RABGAP1L: variants seen among roughly 807,000 people sequenced by gnomAD.
The protein encoded by RABGAP1L is RAB GTPase activating protein 1 like.
Under a neutral mutation model 137.7 loss-of-function variants are expected in RABGAP1L, and 63 were observed. The ratio of observed to expected loss-of-function variants is 0.46; its 90% CI spans 0.37 to 0.56. The LOEUF (loss-of-function observed/expected upper bound fraction) is 0.56. Among genes scored for constraint, RABGAP1L ranks in the 20% least tolerant of loss-of-function variants. RABGAP1L has a pLI of 0.00. For synonymous variants in RABGAP1L, 431 were observed against 433.7 expected (o/e 0.99, Z 0.08); for missense variants, 1,095 against 1,244.0 (o/e 0.88, Z 1.80).
In RABGAP1L at chr1:174,548,070, T is replaced by G. The variant is rs759153288; in HGVS notation, c.1711-89305T>G. The G allele has an allele frequency of 1.4e-5, 21 of 1,549,246 alleles. No homozygotes were observed. The East Asian group carries it at 4.6e-4, about 34-fold the overall frequency. The stretch of plus-strand genomic sequence containing the variant: ...ATGCCTGTTAAATGCGTCAGTGCTC[T>G]TGGCAGCTTAGCATGAGTGCTTTCT... On this transcript the variant is annotated intron_variant, in intron 13 of 25. Coordinates refer to ENST00000681986, the MANE Select transcript of RABGAP1L (RefSeq NM_001366446.1).
Position 174,448,333 on chromosome 1 carries a change from T to C in RABGAP1L, c.1710+54188T>C. On this transcript the variant is annotated intron_variant, in intron 13 of 25. Coordinates refer to ENST00000681986, the MANE Select transcript of RABGAP1L (RefSeq NM_001366446.1). The surrounding 1 kb of genome is among the most constrained non-coding windows in gnomAD (Gnocchi z 4.2). ...ATTGTGCTCCACTGTTACATCATTATACTACCAGCTATTTCATTCAGACGA... is the reference window on the plus strand; with the variant it reads ...ATTGTGCTCCACTGTTACATCATTACACTACCAGCTATTTCATTCAGACGA... The C allele has an allele frequency of 6.2e-7, 1 of 1,613,802 alleles. No individual in the cohort carries two copies. Among genetic ancestry groups the C allele is most frequent in the East Asian group, 2.2e-5 (1 of 44,872 alleles).
At chr1:174,643,046 G>C (rs1442099367) in intron 14 of RABGAP1L, among the ~76,000 whole-genome samples, 1 of 151,998 alleles carries the variant, frequency 6.6e-6, no homozygotes, top group Admixed American at 6.5e-5. Flanking sequence ...CGGTCTCTCA[G>C]AGTGTTGGGA....
chr1:174,829,825 T>C (rs1691919504), intron 19 of RABGAP1L, among the ~76,000 whole-genome samples: 1 of 148,772 alleles, frequency 6.7e-6, no homozygotes, highest in African/African-American at 2.5e-5. Flanking sequence ...TACAATTTTT[T>C]ATGCATTTCA....
chr1:174,950,861 A>C (rs912951046), intron 19 of RABGAP1L, among the ~76,000 whole-genome samples: 5 of 152,206 alleles, frequency 3.3e-5, no homozygotes, highest in Non-Finnish European at 7.3e-5. Flanking sequence ...GGGTCATATC[A>C]GCCTTTAAAA....
chr1:174,576,288 A>T (rs1024755060), intron 13 of RABGAP1L, among the ~76,000 whole-genome samples: 2 of 152,190 alleles, frequency 1.3e-5, no homozygotes, highest in African/African-American at 4.8e-5. Flanking sequence ...TCTTATCCAC[A>T]TGAACAGGCG....
chr1:174,621,234 C>G (rs1318750923), intron 13 of RABGAP1L, among the ~76,000 whole-genome samples: 1 of 152,188 alleles, frequency 6.6e-6, no homozygotes, highest in Non-Finnish European at 1.5e-5. Context: ...ACATTCCATG[C>G]TCATGGGTAG....
chr1:174,664,651 C>A (rs951776041), intron 14 of RABGAP1L, among the ~76,000 whole-genome samples: 2 of 151,860 alleles, frequency 1.3e-5, no homozygotes, highest in Non-Finnish European at 2.9e-5. Context: ...TCTAGTCTTT[C>A]CCTACCAGAG....
At chr1:174,394,183 G>A (rs1265539746) in intron 13 of RABGAP1L, 38 bp downstream of exon 13, 1 of 1,595,148 alleles carries the variant, frequency 6.3e-7, no homozygotes, top group Non-Finnish European at 8.5e-7. Context: ...TTCATTGGAT[G>A]ACCTATTAAA....
chr1:174,240,938 TTGTG>T (rs71958106), intron 4 of RABGAP1L, among the ~76,000 whole-genome samples: 25 of 150,450 alleles, frequency 1.7e-4, no homozygotes, highest in Non-Finnish European at 2.4e-4. Context: ...ATGTGTGTGT[TTGTG>T]TGTGTGTGTG....
chr1:174,620,574 C>T (rs976098242), intron 13 of RABGAP1L, among the ~76,000 whole-genome samples: 9 of 152,118 alleles, frequency 5.9e-5, no homozygotes, highest in South Asian at 2.1e-4. Context: ...TAAAGATGTT[C>T]TTTGAAACCA....
intron 11 of RABGAP1L, among the ~76,000 whole-genome samples, chr1:174,329,746 T>TA (rs2148858961): frequency 6.6e-6 from 1 of 152,264 alleles, no homozygotes; most frequent in South Asian, 2.1e-4. Context: ...TTTCAATTGA[T>TA]ACAGAGAGAG....
chr1:174,877,651 T>C (rs1157654228), intron 19 of RABGAP1L: 1 of 1,571,516 alleles, frequency 6.4e-7, no homozygotes, highest in South Asian at 1.1e-5. Flanking sequence ...TTTTCTTTTC[T>C]AACATGATAT....
intron 19 of RABGAP1L, among the ~76,000 whole-genome samples, chr1:174,874,714 G>A (rs913080095): frequency 6.6e-5 from 10 of 151,612 alleles, no homozygotes; most frequent in African/African-American, 2.4e-4. Context: ...AGACAGGACT[G>A]TGTACAATAG....
intron 19 of RABGAP1L, among the ~76,000 whole-genome samples, chr1:174,861,683 T>G (rs1650296477): frequency 6.6e-6 from 1 of 152,196 alleles, no homozygotes; most frequent in South Asian, 2.1e-4. Flanking sequence ...GGTTTTGATT[T>G]GTATTTCCCT....
intron 11 of RABGAP1L, among the ~76,000 whole-genome samples, chr1:174,317,942 C>G (rs549062291): frequency 1.2e-4 from 18 of 152,170 alleles, no homozygotes; most frequent in Middle Eastern, 3.4e-3. Context: ...GTTCAGTGCC[C>G]CACAGTTGCT....
intron 15 of RABGAP1L, among the ~76,000 whole-genome samples, chr1:174,691,451 A>T (rs1678871155): frequency 6.6e-6 from 1 of 152,236 alleles, no homozygotes; most frequent in Non-Finnish European, 1.5e-5. Context: ...ATGGCAGATC[A>T]TTATCAACAT....
At chr1:174,792,362 C>A (rs1189636843) in intron 18 of RABGAP1L, among the ~76,000 whole-genome samples, 1 of 152,170 alleles carries the variant, frequency 6.6e-6, no homozygotes, top group Non-Finnish European at 1.5e-5. Flanking sequence ...GTCCAGAAAC[C>A]ACCTCATAGG....
chr1:174,974,614 A>T (rs1406671766), intron 21 of RABGAP1L, among the ~76,000 whole-genome samples: 1 of 152,168 alleles, frequency 6.6e-6, no homozygotes, highest in Non-Finnish European at 1.5e-5. Flanking sequence ...CTAATGCATC[A>T]GAGCAATTTT....
intron 12 of RABGAP1L, among the ~76,000 whole-genome samples, chr1:174,390,347 A>G (rs770145340): frequency 6.6e-6 from 1 of 152,210 alleles, no homozygotes; most frequent in Non-Finnish European, 1.5e-5. Context: ...CTGAATGTCA[A>G]TTGAGTTAGA....
Sources: gnomAD v4.1 joint callset for allele counts (sites outside exome capture counted in the v4.1 genomes callset) on GRCh38, gnomAD v4.1.1 for gene constraint, Gnocchi (gnomAD v3.1) non-coding constraint, MANE v1.5 for transcripts, NCBI Gene and HGNC (gene_info 2026-07-23, HGNC 2026-07-21) for gene names.